JAKMIP2: variants seen among roughly 807,000 people sequenced by gnomAD.
JAKMIP2 encodes the protein janus kinase and microtubule-interacting protein 2.
In JAKMIP2, 25 loss-of-function variants were observed where a neutral mutation model predicts 115.0. The ratio of observed to expected loss-of-function variants is 0.22; its 90% confidence interval spans 0.16 to 0.30. The LOEUF (loss-of-function observed/expected upper bound fraction) is 0.30. Ranked by LOEUF, JAKMIP2 falls within the 10% of genes least tolerant of loss-of-function variation. JAKMIP2 has a pLI of 1.00. For synonymous variants in JAKMIP2, 334 were observed against 343.6 expected (o/e 0.97, Z 0.31); for missense variants, 642 against 957.6 (o/e 0.67, Z 4.35).
intron 1 of JAKMIP2, among the ~76,000 whole-genome samples, chr5:147,769,576 T>C (rs1755274424): frequency 6.6e-6 from 1 of 152,142 alleles, no homozygotes; most frequent in Non-Finnish European, 1.5e-5. Flanking sequence ...AATAGGATGC[T>C]GAATATCCCA....
chr5:147,704,174 A>C (rs1654382641), intron 1 of JAKMIP2, among the ~76,000 whole-genome samples: 1 of 152,212 alleles, frequency 6.6e-6, no homozygotes, highest in Admixed American at 6.6e-5. Flanking sequence ...TAAAATAACA[A>C]GGAAGTATAG....
chr5:147,660,125 G>T (rs1478104955), intron 3 of JAKMIP2, among the ~76,000 whole-genome samples: 1 of 152,188 alleles, frequency 6.6e-6, no homozygotes, highest in Non-Finnish European at 1.5e-5. Flanking sequence ...ACATCCGAAT[G>T]CAGATGAATA....
chr5:147,670,699 C>T (rs1218205812), intron 2 of JAKMIP2, among the ~76,000 whole-genome samples: 1 of 152,130 alleles, frequency 6.6e-6, no homozygotes, highest in Non-Finnish European at 1.5e-5. Flanking sequence ...TTTGTTCAAT[C>T]CTCATAAGCA....
intron 1 of JAKMIP2, among the ~76,000 whole-genome samples, chr5:147,738,826 G>C (rs1420588026): frequency 1.3e-5 from 2 of 152,078 alleles, no homozygotes; most frequent in Non-Finnish European, 2.9e-5. Context: ...ATTGTCACTA[G>C]GATTTAATGA....
At chr5:147,695,158 G>T (rs975129524) in intron 1 of JAKMIP2, among the ~76,000 whole-genome samples, 2 of 152,126 alleles carry the variant, frequency 1.3e-5, no homozygotes, top group South Asian at 2.1e-4. Flanking sequence ...CTTATGGAAT[G>T]ATTTTTTTTG....
chr5:147,747,847 CTT>C (rs1754401127), intron 1 of JAKMIP2, among the ~76,000 whole-genome samples: 1 of 152,152 alleles, frequency 6.6e-6, no homozygotes, highest in South Asian at 2.1e-4. Context: ...GCCTTTGTAT[CTT>C]TGCATAAGCT....
chr5:147,631,404 T>C lies in JAKMIP2; in HGVS notation c.1875+9A>G. ...TTCTACAAACATAAAAAATGAAATATCTGCCTACCTTAACACCTTCTTTCA... is the reference window on the plus strand; with the variant it reads ...TTCTACAAACATAAAAAATGAAATACCTGCCTACCTTAACACCTTCTTTCA... On this transcript the variant is annotated intron_variant, in intron 14 of 21. Coordinates refer to ENST00000616793, the MANE Select transcript of JAKMIP2 (RefSeq NM_001270941.2). 6.5e-7 allele frequency: 1 copy of C among 1,533,364 alleles called. No individual in the cohort carries two copies. The highest frequency in any genetic ancestry group is 1.4e-5 in the African/African-American group (1 of 72,210). The allele number at this position is 1,533,364 out of a possible 1,614,324, so 95.0% of individuals were successfully genotyped here. A position where few individuals can be genotyped will look rare whatever the true frequency, so the allele number is the denominator to read the frequency against.
chr5:147,689,313 G>C (rs950785124), intron 1 of JAKMIP2, among the ~76,000 whole-genome samples: 2 of 152,168 alleles, frequency 1.3e-5, no homozygotes, highest in African/African-American at 4.8e-5. Context: ...TACTCAGAGT[G>C]GGTAGGAAGC....
At chr5:147,637,436 G>GTTTTTTTTTT (rs1561506660) in intron 10 of JAKMIP2, among the ~76,000 whole-genome samples, 1 of 74,038 alleles carries the variant, frequency 1.4e-5, no homozygotes, top group Admixed American at 2.5e-4. Context: ...AAATTCTTTT[G>GTTTTTTTTTT]ATTTTTTTTT....
chr5:147,602,131 G>A (rs1238672820), intron 20 of JAKMIP2, among the ~76,000 whole-genome samples: 3 of 152,202 alleles, frequency 2.0e-5, no homozygotes, highest in Admixed American at 2.0e-4. Context: ...TTATGGCACA[G>A]TGAGGGCTAA....
At chr5:147,698,544 C>T (rs372003617) in intron 1 of JAKMIP2, among the ~76,000 whole-genome samples, 125 of 152,246 alleles carry the variant, frequency 8.2e-4, no homozygotes, top group Admixed American at 1.8e-3. Context: ...TGTTGTGGGA[C>T]GGACCCAGTG....
chr5:147,766,700 T>A (rs897856659), intron 1 of JAKMIP2, among the ~76,000 whole-genome samples: 2 of 152,120 alleles, frequency 1.3e-5, no homozygotes, highest in African/African-American at 2.4e-5. Flanking sequence ...AAAAAGATAA[T>A]CTTTTATTTT....
chr5:147,768,466 A>G (rs1451384806), intron 1 of JAKMIP2, among the ~76,000 whole-genome samples: 2 of 152,188 alleles, frequency 1.3e-5, no homozygotes, highest in Non-Finnish European at 2.9e-5. Context: ...TATATTTTTC[A>G]GTTCTGTTCC....
At chr5:147,603,668 T>C (rs908624177) in intron 20 of JAKMIP2, among the ~76,000 whole-genome samples, 7 of 152,208 alleles carry the variant, frequency 4.6e-5, no homozygotes, top group African/African-American at 1.7e-4. Context: ...TGGTTGAATT[T>C]GCTACCATAT....
chr5:147,686,246 G>T (rs766344140), intron 1 of JAKMIP2, among the ~76,000 whole-genome samples: 14 of 148,222 alleles, frequency 9.4e-5, no homozygotes, highest in South Asian at 2.1e-4. Context: ...ACAAACTTCT[G>T]AATGTATGCC....
At chr5:147,599,906 G>A (rs909213442) in intron 21 of JAKMIP2, among the ~76,000 whole-genome samples, 2 of 152,050 alleles carry the variant, frequency 1.3e-5, no homozygotes, top group African/African-American at 2.4e-5. Flanking sequence ...AGGATTAAAT[G>A]TATCTATTAC....
At chr5:147,702,088 C>A (rs905128045) in intron 1 of JAKMIP2, among the ~76,000 whole-genome samples, 1 of 152,130 alleles carries the variant, frequency 6.6e-6, no homozygotes, top group African/African-American at 2.4e-5. Context: ...GAAACATGAT[C>A]CAGAGCAACT....
intron 2 of JAKMIP2, among the ~76,000 whole-genome samples, chr5:147,664,647 T>A (rs1759203001): frequency 6.6e-6 from 1 of 152,150 alleles, no homozygotes; most frequent in African/African-American, 2.4e-5. Flanking sequence ...TCAGTATACT[T>A]TTGAAACACC....
chr5:147,607,886 TC>T (rs2126611067), intron 20 of JAKMIP2, among the ~76,000 whole-genome samples: 1 of 152,298 alleles, frequency 6.6e-6, no homozygotes, highest in Admixed American at 6.5e-5. Flanking sequence ...TTTGACTTCT[TC>T]TTGGTTTAGC....
Sources: gnomAD v4.1 joint callset for allele counts (sites outside exome capture counted in the v4.1 genomes callset) on GRCh38, gnomAD v4.1.1 for gene constraint, MANE v1.5 for transcripts, NCBI Gene and HGNC (gene_info 2026-07-23, HGNC 2026-07-21) for gene names.